OSBPL8: variants seen among roughly 807,000 people sequenced by gnomAD.
The protein encoded by OSBPL8 is oxysterol binding protein like 8, also known as oxysterol-binding protein-related protein 8.
In OSBPL8, 59 loss-of-function variants were observed where a neutral mutation model predicts 125.5. The observed-to-expected ratio is 0.47, with a 90% CI of 0.38 to 0.58. The LOEUF is 0.58. Among genes scored for constraint, OSBPL8 ranks in the 20% least tolerant of loss-of-function variants. OSBPL8 has a pLI of 0.00. For synonymous variants in OSBPL8, 330 were observed against 338.9 expected, an observed-to-expected ratio of 0.97 and a Z score of 0.29; for missense variants, 758 against 1,047.8, an observed-to-expected ratio of 0.72 and a Z score of 3.82.
At chr12:76,398,052 G>A (rs1368532048) in intron 7 of OSBPL8, among the ~76,000 whole-genome samples, 155 bp from the exon 8 acceptor site, 1 of 152,170 alleles carries the variant, frequency 6.6e-6, no homozygotes, top group Non-Finnish European at 1.5e-5. Context: ...ACAGCAAACA[G>A]ACATGAAAAT....
At chr12:76,386,463 T>C (rs1229356544) in intron 13 of OSBPL8, 116 bp downstream of exon 13, 5 of 1,295,052 alleles carry the variant, frequency 3.9e-6, no homozygotes, top group South Asian at 1.7e-5. Context: ...TTTTGCAATT[T>C]TGCTACGTCA....
intron 16 of OSBPL8, among the ~76,000 whole-genome samples, chr12:76,376,897 G>T (rs1952839509): frequency 6.6e-6 from 1 of 152,010 alleles, no homozygotes; most frequent in African/African-American, 2.4e-5. Context: ...TCTACATTAG[G>T]TATTTCTCCT....
intron 8 of OSBPL8, among the ~76,000 whole-genome samples, chr12:76,396,990 T>C (rs1017389683): frequency 9.9e-5 from 15 of 151,726 alleles, no homozygotes; most frequent in Non-Finnish European, 1.5e-5. Flanking sequence ...AATTTTTGTA[T>C]TTTTTGCAGA....
At position 76,358,723 on chromosome 12, in the gene OSBPL8, T is replaced by G; in HGVS notation, c.2417A>C (p.Asp806Ala). The change falls in exon 22 of 24, where the codon GAC (aspartate) becomes GCC (alanine). Residue 806 changes from aspartate to alanine, a missense_variant. Physicochemically the swap from Asp to Ala is moderately radical, Grantham distance 126. This residue lies in a region of OSBPL8 where 572 missense variants were observed against 762.0 expected (regional missense o/e 0.75). Transcript: ENST00000261183. The stretch of plus-strand genomic sequence containing the variant: ...ATTTTTACCTTCACTTCCAGAGGAG[T>G]CTTGAATGTCAGGTTCTGGGGAGGA... ...GYSSPEPDIQDSSGSEAQSVK... is the reference protein window; with the variant it reads ...GYSSPEPDIQASSGSEAQSVK... 6.2e-7 allele frequency: 1 copy of G among 1,611,930 alleles called. No individual in the cohort carries two copies.
chr12:76,517,637 T>C (rs1176406992), intron 1 of OSBPL8, among the ~76,000 whole-genome samples: 1 of 152,190 alleles, frequency 6.6e-6, no homozygotes, highest in Non-Finnish European at 1.5e-5. Flanking sequence ...GAAATGAGGC[T>C]GGGTAATTTA....
chr12:76,546,157 A>G (rs1041675816), intron 1 of OSBPL8, among the ~76,000 whole-genome samples: 31 of 152,344 alleles, frequency 2.0e-4, no homozygotes, highest in Admixed American at 1.3e-4. Context: ...TTATAGCAAG[A>G]AACATCTATA....
At chr12:76,422,716 A>G (rs1869652576) in intron 4 of OSBPL8, 1 of 421,002 alleles carries the variant, frequency 2.4e-6, no homozygotes, top group Non-Finnish European at 4.8e-6. Flanking sequence ...TATGGCAAAG[A>G]CAGGCTTTTC....
chr12:76,510,845 C>T (rs1367763568), intron 1 of OSBPL8, among the ~76,000 whole-genome samples: 1 of 150,276 alleles, frequency 6.7e-6, no homozygotes, highest in Non-Finnish European at 1.5e-5. Flanking sequence ...CATGCCACTG[C>T]ACTCCAGCCT....
In OSBPL8 at chr12:76,355,720, G is replaced by T; in HGVS notation, c.*169C>A. The T allele has an allele frequency of 1.6e-6, 1 of 643,016 alleles. No homozygotes were observed. The highest frequency in any genetic ancestry group is 2.5e-6 in the Non-Finnish European group (1 of 393,830). The allele number at this position is 643,016 out of a possible 1,614,324, so 39.8% of individuals were successfully genotyped here. A position where few individuals can be genotyped will look rare whatever the true frequency, so the allele number is the denominator to read the frequency against. On this transcript the variant is annotated 3_prime_UTR_variant, in exon 24 of 24. Coordinates refer to ENST00000261183, the MANE Select transcript of OSBPL8 (RefSeq NM_020841.5). ...TTAATAATCAAATAGGATAGCTCTT[G>T]TTTCAGTGTGAAGATAAAAGATACG...
In OSBPL8 at chr12:76,354,159, CAAA is replaced by C. The variant is rs1263633900; in HGVS notation, c.*1727_*1729del. On this transcript the variant is annotated 3_prime_UTR_variant, in exon 24 of 24. Transcript: ENST00000261183. Reference sequence around the variant, plus strand: ...AATGTGAATACAAAAATTATATTGACAAATATAAAATATAACCAAAAACCCATT... The same window carrying C: ...AATGTGAATACAAAAATTATATTGACTATAAAATATAACCAAAAACCCATT... 6.6e-6 allele frequency: 1 copy of C among 152,174 alleles called. No homozygotes were observed. The highest frequency in any genetic ancestry group is 1.5e-5 in the Non-Finnish European group (1 of 67,758). 9.4% of individuals were successfully genotyped at this position (152,174 alleles called of 1,614,324 possible).
At chr12:76,502,035 T>C (rs919575996) in intron 1 of OSBPL8, among the ~76,000 whole-genome samples, 5 of 152,194 alleles carry the variant, frequency 3.3e-5, no homozygotes, top group African/African-American at 1.2e-4. Context: ...TCCACTGGCC[T>C]TACCATGTTC....
At chr12:76,461,450 C>A (rs1874719960) in intron 2 of OSBPL8, among the ~76,000 whole-genome samples, 1 of 152,036 alleles carries the variant, frequency 6.6e-6, no homozygotes, top group African/African-American at 2.4e-5. Context: ...CATCCCCAGT[C>A]TTTCGTTTTT....
chr12:76,395,548 C>A (rs1342798450), intron 8 of OSBPL8, among the ~76,000 whole-genome samples: 1 of 120,524 alleles, frequency 8.3e-6, no homozygotes, highest in Non-Finnish European at 1.7e-5. Context: ...TTAACAAATA[C>A]CGTAATAATC....
intron 3 of OSBPL8, among the ~76,000 whole-genome samples, chr12:76,455,369 T>G (rs1349993960): frequency 6.6e-6 from 1 of 152,214 alleles, no homozygotes; most frequent in Non-Finnish European, 1.5e-5. Flanking sequence ...TATTCTTTTG[T>G]ATGTATCAGA....
intron 18 of OSBPL8, 102 bp downstream of exon 18, chr12:76,373,242 G>A: frequency 1.5e-6 from 1 of 685,814 alleles, no homozygotes; most frequent in Non-Finnish European, 2.4e-6. Flanking sequence ...ATGTTAAATA[G>A]TGATGTTTTC....
At chr12:76,452,666 C>T (rs1011012770) in intron 3 of OSBPL8, among the ~76,000 whole-genome samples, 1 of 152,218 alleles carries the variant, frequency 6.6e-6, no homozygotes, top group African/African-American at 2.4e-5. Context: ...TCACTGGCTT[C>T]CCATTACATT....
chr12:76,414,450 G>GTTTTTTTTTTTTTTTTTTTTTTTTT (rs35085467), intron 4 of OSBPL8, among the ~76,000 whole-genome samples: 1 of 120,492 alleles, frequency 8.3e-6, no homozygotes. Flanking sequence ...TATTTTTCTG[G>GTTTTTTTTTTTTTTTTTTTTTTTTT]TTTTTTTTTT....
intron 3 of OSBPL8, among the ~76,000 whole-genome samples, chr12:76,458,476 G>A (rs537785937): frequency 6.2e-4 from 95 of 152,152 alleles, no homozygotes; most frequent in African/African-American, 2.0e-3. Context: ...GATCACTTGA[G>A]ACCAGGAGTT....
At chr12:76,487,306 C>CA (rs1441485563) in intron 2 of OSBPL8, among the ~76,000 whole-genome samples, 2 of 152,138 alleles carry the variant, frequency 1.3e-5, no homozygotes, top group Non-Finnish European at 2.9e-5. Flanking sequence ...TCTAGGATTA[C>CA]AGGTGTGAGC....
Sources: allele counts gnomAD v4.1 joint callset (sites outside exome capture counted in the v4.1 genomes callset), GRCh38; gene constraint gnomAD v4.1.1; regional missense constraint gnomAD v4.1.1; transcripts MANE v1.5; gene names NCBI Gene and HGNC (gene_info 2026-07-23, HGNC 2026-07-21).